Variants in RERE observed in about 807,000 individuals in gnomAD.
RERE encodes the protein arginine-glutamic acid dipeptide repeats, also known as arginine-glutamic acid dipeptide repeats protein.
RERE carries 40 observed loss-of-function variants against 146.1 expected under a neutral mutation model. That is an observed-to-expected ratio of 0.27 (90% CI 0.21 to 0.36). The LOEUF (loss-of-function observed/expected upper bound fraction) is 0.36. RERE is among the 10% of genes least tolerant of loss of function. The pLI is 1.00. For synonymous variants in RERE, 1,003 were observed against 866.0 expected, an observed-to-expected ratio of 1.16 and a Z score of -2.78; for missense variants, 1,933 against 2,138.7, an observed-to-expected ratio of 0.90 and a Z score of 1.90.
At chr1:8,722,839 T>C (rs762049456) in intron 1 of RERE, among the ~76,000 whole-genome samples, 2 of 152,224 alleles carry the variant, frequency 1.3e-5, no homozygotes, top group Non-Finnish European at 2.9e-5. Flanking sequence ...CTTGAATGTG[T>C]GTGGATTTTG....
chr1:8,413,838 C>T (rs565375663), intron 12 of RERE, among the ~76,000 whole-genome samples: 32 of 151,504 alleles, frequency 2.1e-4, no homozygotes, highest in African/African-American at 7.5e-4. Flanking sequence ...GGTGTATCAT[C>T]TGAGGTCGGG....
intron 7 of RERE, among the ~76,000 whole-genome samples, chr1:8,511,149 C>T (rs1365517051): frequency 6.6e-6 from 1 of 151,930 alleles, no homozygotes; most frequent in Non-Finnish European, 1.5e-5. Context: ...TCCCAAATAC[C>T]CTGTTGACTA....
intron 1 of RERE, among the ~76,000 whole-genome samples, chr1:8,735,311 A>G (rs920414836): frequency 6.6e-6 from 1 of 152,220 alleles, no homozygotes; most frequent in Non-Finnish European, 1.5e-5. Flanking sequence ...TTAAAAATTT[A>G]TAATATATAT....
intron 1 of RERE, chr1:8,798,542 A>G: frequency 4.6e-6 from 1 of 216,078 alleles, no homozygotes; most frequent in Admixed American, 4.1e-5. Context: ...CTACTCAGGA[A>G]GCAAAGATAT....
chr1:8,731,294 A>G (rs547070857), intron 1 of RERE, among the ~76,000 whole-genome samples: 2 of 152,290 alleles, frequency 1.3e-5, no homozygotes, highest in East Asian at 3.9e-4. Flanking sequence ...ATCCCCTCGT[A>G]TTTTAGGCAG....
chr1:8,793,415 T>A (rs1004724538), intron 1 of RERE, among the ~76,000 whole-genome samples: 8 of 152,166 alleles, frequency 5.3e-5, no homozygotes, highest in African/African-American at 1.9e-4. Flanking sequence ...AAAAGATGTC[T>A]TGGATTTCAA....
intron 12 of RERE, among the ~76,000 whole-genome samples, chr1:8,379,141 C>T (rs1642360057): frequency 6.6e-6 from 1 of 152,046 alleles, no homozygotes; most frequent in African/African-American, 2.4e-5. Context: ...CGTGAAGGGA[C>T]ACGGGGGAAG....
chr1:8,557,555 A>C (rs776712108), intron 4 of RERE, 32 bp from the exon 5 acceptor site: 3 of 1,450,904 alleles, frequency 2.1e-6, no homozygotes, highest in Non-Finnish European at 1.9e-6. Flanking sequence ...CATTAGGAAC[A>C]GGATTTCAGG....
chr1:8,360,230 T>C lies in RERE; in HGVS notation c.3277A>G (p.Ile1093Val), dbSNP rs1298396717. ...GSSCPLPTVQ[I>V]KEEALDDAEE... ...GCGTCGTCCAGAGCCTCCTCCTTGA[T>C]CTGGACGGTGGGGAGTGGGCAGGAC... Residue 1093 changes from isoleucine (I) to valine (V), a missense_variant, in exon 18 of 23, where the codon ATC (isoleucine) becomes GTC (valine). This residue lies in a region of RERE where 1,255 missense variants were observed against 1,153.8 expected (regional missense o/e 1.09). Transcript: ENST00000400908. 3.2e-6 allele frequency: 5 copies of C among 1,585,742 alleles called. No homozygotes were observed. In the East Asian group the frequency reaches 1.1e-4, roughly 36 times the overall value.
At chr1:8,446,491 TG>T (rs1644321936) in intron 11 of RERE, among the ~76,000 whole-genome samples, 1 of 152,168 alleles carries the variant, frequency 6.6e-6, no homozygotes, top group Non-Finnish European at 1.5e-5. Flanking sequence ...AGTATCTTTG[TG>T]GTGGTCTCTG....
intron 11 of RERE, among the ~76,000 whole-genome samples, chr1:8,449,746 A>G (rs980770955): frequency 6.6e-6 from 1 of 152,250 alleles, no homozygotes; most frequent in Non-Finnish European, 1.5e-5. Flanking sequence ...AACAATGAGC[A>G]GTTTATAGGC....
chr1:8,680,292 C>T (rs2124394103), intron 1 of RERE, among the ~76,000 whole-genome samples: 1 of 152,296 alleles, frequency 6.6e-6, no homozygotes, highest in South Asian at 2.1e-4. Context: ...TCCTTCTGCC[C>T]TCTGAGTCCA....
At chr1:8,644,162 T>C (rs1384622994) in intron 2 of RERE, among the ~76,000 whole-genome samples, 1 of 152,218 alleles carries the variant, frequency 6.6e-6, no homozygotes, top group Non-Finnish European at 1.5e-5. Flanking sequence ...GGAATAACTT[T>C]AGCCCCATCA....
chr1:8,673,302 G>A (rs1378214414), intron 1 of RERE, among the ~76,000 whole-genome samples: 1 of 152,072 alleles, frequency 6.6e-6, no homozygotes, highest in African/African-American at 2.4e-5. Flanking sequence ...CACCACGTTG[G>A]CCAGGCTGGT....
chr1:8,480,842 G>A (rs1355672941), intron 10 of RERE, among the ~76,000 whole-genome samples: 2 of 152,154 alleles, frequency 1.3e-5, no homozygotes, highest in African/African-American at 2.4e-5. Flanking sequence ...AATTCTAACT[G>A]ATCAAACGGT....
intron 1 of RERE, among the ~76,000 whole-genome samples, chr1:8,698,002 T>C (rs1639371510): frequency 6.6e-6 from 1 of 152,202 alleles, no homozygotes; most frequent in Non-Finnish European, 1.5e-5. Context: ...ATCAATTACA[T>C]ATATTTAACA....
intron 2 of RERE, among the ~76,000 whole-genome samples, chr1:8,647,017 T>C (rs932969283): frequency 4.6e-5 from 7 of 152,272 alleles, no homozygotes; most frequent in African/African-American, 7.2e-5. Flanking sequence ...ACTCAGGAGA[T>C]TGAGGCTGCA....
chr1:8,360,957 G>T lies in RERE; in HGVS notation c.2550C>A (p.Gly850=), dbSNP rs773466883. The T allele has an allele frequency of 8.9e-6, 13 of 1,454,026 alleles. 1 individual carries two copies. In the South Asian group the frequency reaches 1.7e-4, roughly 19 times the overall value. The allele number at this position is 1,454,026 out of a possible 1,614,324, so 90.1% of individuals were successfully genotyped here. The change falls in exon 18 of 23, where the codon GGC becomes GGA. Residue 850 remains glycine (G), a synonymous_variant. Coordinates refer to ENST00000400908, the MANE Select transcript of RERE (RefSeq NM_001042681.2). ...SHAQPPLHGQ[G]PPGPHSLQAG... Reference sequence around the variant, plus strand: ...CCTGCAGGCTGTGAGGGCCGGGTGGGCCCTGACCGTGCAGTGGGGGCTGGG... The same window carrying T: ...CCTGCAGGCTGTGAGGGCCGGGTGGTCCCTGACCGTGCAGTGGGGGCTGGG...
At chr1:8,489,709 C>T (rs1644950696) in intron 10 of RERE, among the ~76,000 whole-genome samples, 1 of 152,022 alleles carries the variant, frequency 6.6e-6, no homozygotes, top group Admixed American at 6.6e-5. Flanking sequence ...ATGCTAAAGA[C>T]GTAAAATTAT....
Sources: gnomAD v4.1 joint callset for allele counts (sites outside exome capture counted in the v4.1 genomes callset) on GRCh38, gnomAD v4.1.1 for gene constraint, gnomAD v4.1.1 regional missense constraint, MANE v1.5 for transcripts, NCBI Gene and HGNC (gene_info 2026-07-23, HGNC 2026-07-21) for gene names.